Variants in ATG5 observed in about 807,000 individuals in gnomAD.
ATG5 encodes autophagy protein 5.
A neutral mutation model predicts 36.5 loss-of-function variants in ATG5; 14 were observed. The observed-to-expected ratio is 0.38, with a 90% CI of 0.25 to 0.60. The LOEUF (loss-of-function observed/expected upper bound fraction) is 0.60. Among genes scored for constraint, ATG5 ranks in the 20% least tolerant of loss-of-function variants. The pLI, the probability that ATG5 is intolerant of heterozygous loss-of-function variation, is 0.60. For synonymous variants in ATG5, 95 were observed against 101.5 expected, an observed-to-expected ratio of 0.94 and a Z score of 0.38; for missense variants, 195 against 326.7, an observed-to-expected ratio of 0.60 and a Z score of 3.11.
chr6:106,226,051 C>T (rs766003597), intron 6 of ATG5, among the ~76,000 whole-genome samples: 15 of 152,184 alleles, frequency 9.9e-5, no homozygotes, highest in Non-Finnish European at 1.6e-4. Flanking sequence ...AACCCTGAGG[C>T]TCTGTACAAG....
intron 7 of ATG5, among the ~76,000 whole-genome samples, chr6:106,189,569 C>T (rs1775894910): frequency 6.6e-6 from 1 of 151,138 alleles, no homozygotes; most frequent in Admixed American, 6.6e-5. Flanking sequence ...TACAGTGAGC[C>T]GTGATGGCAC....
chr6:106,216,988 G>A (rs1227690225), intron 6 of ATG5, among the ~76,000 whole-genome samples: 1 of 151,826 alleles, frequency 6.6e-6, no homozygotes, highest in East Asian at 1.9e-4. Flanking sequence ...TCATATGGGT[G>A]GCAGGGGAAA....
At chr6:106,224,346 T>C (rs561858705) in intron 6 of ATG5, among the ~76,000 whole-genome samples, 9 of 152,292 alleles carry the variant, frequency 5.9e-5, no homozygotes, top group African/African-American at 1.9e-4. Flanking sequence ...ACCCATGAGC[T>C]AAATCAGTGC....
Position 106,277,326 on chromosome 6 carries a change from G to A in ATG5, c.478+2335C>T, listed in dbSNP as rs558814445. On this transcript the variant is annotated intron_variant, in intron 5 of 7. Coordinates refer to ENST00000369076, the MANE Select transcript of ATG5 (RefSeq NM_004849.4). ...GAACATCTACTGGACTAACTCCCTG[G>A]CCAAAAACACTGTTGAAGACACAGG... Among the ~76,000 whole-genome samples the A allele has an allele frequency of 2.6e-5, 4 of 152,244 alleles. No individual in the cohort carries two copies. In the South Asian group the frequency reaches 8.3e-4, roughly 32 times the overall value.
At chr6:106,263,422 G>A (rs999134637) in intron 5 of ATG5, among the ~76,000 whole-genome samples, 5 of 152,176 alleles carry the variant, frequency 3.3e-5, no homozygotes, top group African/African-American at 4.8e-5. Flanking sequence ...CAGCTCCAGC[G>A]GATTTAATCA....
intron 5 of ATG5, among the ~76,000 whole-genome samples, chr6:106,256,307 T>C (rs901085752): frequency 6.6e-6 from 1 of 152,226 alleles, no homozygotes; most frequent in Admixed American, 6.5e-5. Context: ...TCACTGGAGA[T>C]GCAGTATGCA....
chr6:106,313,120 T>G (rs1477525437), intron 2 of ATG5, among the ~76,000 whole-genome samples: 1 of 152,136 alleles, frequency 6.6e-6, no homozygotes, highest in East Asian at 1.9e-4. Context: ...ACCAGCTTCC[T>G]GAGAAGGCAG....
At chr6:106,191,202 T>TA (rs1775955438) in intron 7 of ATG5, among the ~76,000 whole-genome samples, 1 of 152,178 alleles carries the variant, frequency 6.6e-6, no homozygotes, top group Non-Finnish European at 1.5e-5. Context: ...AGTCTTTTTT[T>TA]AAAAATGTTC....
At chr6:106,226,580 A>G (rs998111855) in intron 6 of ATG5, among the ~76,000 whole-genome samples, 1 of 152,300 alleles carries the variant, frequency 6.6e-6, no homozygotes, top group Middle Eastern at 3.4e-3. Context: ...TATCAGAACA[A>G]TATTTCTGAT....
At chr6:106,296,215 TAA>T (rs921563563) in intron 3 of ATG5, among the ~76,000 whole-genome samples, 1 of 145,602 alleles carries the variant, frequency 6.9e-6, no homozygotes, top group Admixed American at 6.8e-5. Flanking sequence ...AAACTCACTT[TAA>T]AAAAAAAAAG....
chr6:106,236,782 C>G (rs1025289095), intron 6 of ATG5, among the ~76,000 whole-genome samples: 2 of 152,152 alleles, frequency 1.3e-5, no homozygotes, highest in African/African-American at 4.8e-5. Flanking sequence ...TTGTTTTACT[C>G]TGTGTATGTC....
At chr6:106,246,833 T>A (rs544390627) in intron 6 of ATG5, among the ~76,000 whole-genome samples, 54 of 152,318 alleles carry the variant, frequency 3.5e-4, no homozygotes, top group Non-Finnish European at 5.1e-4. Context: ...GTGGAGCTCA[T>A]GGTAAAATAG....
chr6:106,200,396 T>C (rs900766022), intron 7 of ATG5, among the ~76,000 whole-genome samples: 28 of 152,140 alleles, frequency 1.8e-4, no homozygotes, highest in Non-Finnish European at 4.0e-4. Context: ...CCTTCATATA[T>C]ACTAATGCAT....
intron 3 of ATG5, among the ~76,000 whole-genome samples, chr6:106,296,834 C>G (rs1769963489): frequency 6.6e-6 from 1 of 151,972 alleles, no homozygotes; most frequent in South Asian, 2.1e-4. Flanking sequence ...AAGAAAAAAG[C>G]AAGCAGACTC....
chr6:106,242,871 A>G (rs1778183450), intron 6 of ATG5, among the ~76,000 whole-genome samples: 1 of 152,244 alleles, frequency 6.6e-6, no homozygotes, highest in East Asian at 1.9e-4. Flanking sequence ...AAAACAACTG[A>G]AAAGGCAAAA....
chr6:106,196,475 G>C (rs1342234354), intron 7 of ATG5, among the ~76,000 whole-genome samples: 1 of 152,132 alleles, frequency 6.6e-6, no homozygotes, highest in East Asian at 1.9e-4. Flanking sequence ...TTAAGAGAGT[G>C]AACTTTGGGA....
chr6:106,190,417 C>T (rs1276808807), intron 7 of ATG5, among the ~76,000 whole-genome samples: 1 of 152,178 alleles, frequency 6.6e-6, no homozygotes, highest in African/African-American at 2.4e-5. Context: ...AGCCTCACCT[C>T]CCAACACTGC....
chr6:106,286,255 C>T (rs1032006814), intron 4 of ATG5, among the ~76,000 whole-genome samples: 7 of 152,160 alleles, frequency 4.6e-5, no homozygotes, highest in African/African-American at 1.2e-4. Context: ...AACTTCTTTG[C>T]TCTGCTTGAG....
At chr6:106,300,968 C>G (rs1770184470) in intron 3 of ATG5, among the ~76,000 whole-genome samples, 1 of 151,984 alleles carries the variant, frequency 6.6e-6, no homozygotes, top group African/African-American at 2.4e-5. Context: ...AAATTTCGTG[C>G]TTGAAGGTCT....
Sources: allele counts gnomAD v4.1 joint callset (sites outside exome capture counted in the v4.1 genomes callset), GRCh38; gene constraint gnomAD v4.1.1; transcripts MANE v1.5; gene names NCBI Gene and HGNC (gene_info 2026-07-23, HGNC 2026-07-21).